The following LRRC63 variants were observed in gnomAD, a reference collection of about 807,000 sequenced individuals.
LRRC63 encodes the protein leucine rich repeat containing 63.
Under a neutral mutation model 49.5 loss-of-function variants are expected in LRRC63, and 40 were observed. The ratio of observed to expected loss-of-function variants is 0.81; its 90% CI spans 0.63 to 1.05. The LOEUF is 1.05. LRRC63 is among the 50% of genes least tolerant of loss of function. LRRC63 has a pLI of 0.00. For synonymous variants in LRRC63, 191 were observed against 221.1 expected, an observed-to-expected ratio of 0.86 and a Z score of 1.21; for missense variants, 636 against 663.1, an observed-to-expected ratio of 0.96 and a Z score of 0.45.
At chr13:46,250,066 G>A (rs1211109282) in intron 6 of LRRC63, 1 of 181,002 alleles carries the variant, frequency 5.5e-6, no homozygotes, top group Non-Finnish European at 1.1e-5. Flanking sequence ...TTCCTCGTAT[G>A]AAACCGTGAG....
At chr13:46,256,151 A>G (rs934075822) in intron 7 of LRRC63, among the ~76,000 whole-genome samples, 3 of 152,246 alleles carry the variant, frequency 2.0e-5, no homozygotes, top group Non-Finnish European at 4.4e-5. Context: ...CTTTTGTCTT[A>G]TGGAATGAAT....
chr13:46,234,686 A>G (rs965681555), intron 5 of LRRC63, among the ~76,000 whole-genome samples: 4 of 152,206 alleles, frequency 2.6e-5, no homozygotes, highest in Admixed American at 1.3e-4. Context: ...CACAAGCTCA[A>G]TATCATGAAT....
chr13:46,248,769 A>T (rs913593228), intron 6 of LRRC63, among the ~76,000 whole-genome samples: 4 of 151,914 alleles, frequency 2.6e-5, no homozygotes, highest in Non-Finnish European at 5.9e-5. Flanking sequence ...CAACACTATA[A>T]ACCAATTAGA....
At chr13:46,255,643 C>CAAAAAAAA (rs1445296831) in intron 7 of LRRC63, among the ~76,000 whole-genome samples, 1,880 of 95,650 alleles carry the variant, frequency 0.02, 80 homozygotes, top group African/African-American at 0.11. Flanking sequence ...GACCCTGCCT[C>CAAAAAAAA]AAATATATAT....
intron 6 of LRRC63, chr13:46,250,050 C>T (rs949699485): frequency 7.0e-5 from 12 of 171,040 alleles, no homozygotes; most frequent in Non-Finnish European, 1.1e-4. Context: ...CTCATTATTC[C>T]GTGATTTCCT....
At chr13:46,222,052 G>GTTATTATAGGGTAAGATATT (rs1390322793) in intron 2 of LRRC63, among the ~76,000 whole-genome samples, 1 of 152,116 alleles carries the variant, frequency 6.6e-6, no homozygotes, top group Non-Finnish European at 1.5e-5. Context: ...CAGCCATTCT[G>GTTATTATAGGGTAAGATATT]ACTAGGGTAA....
chr13:46,275,182 TTG>T (rs1444549916), intron 9 of LRRC63, among the ~76,000 whole-genome samples: 3 of 152,192 alleles, frequency 2.0e-5, no homozygotes, highest in African/African-American at 7.2e-5. Flanking sequence ...TAGTATTCCA[TTG>T]TGTGTACATA....
intron 6 of LRRC63, 54 bp from the exon 7 acceptor site, chr13:46,250,300 TG>T: frequency 2.2e-6 from 3 of 1,341,858 alleles, no homozygotes; most frequent in Non-Finnish European, 3.0e-6. Flanking sequence ...TAACAAATAA[TG>T]ATTTGCATAC....
At chr13:46,242,076 G>A (rs1315342180) in intron 5 of LRRC63, among the ~76,000 whole-genome samples, 7 of 152,198 alleles carry the variant, frequency 4.6e-5, no homozygotes, top group East Asian at 1.9e-4. Flanking sequence ...AATGCACATC[G>A]ATGATAGACT....
chr13:46,215,969 G>C (rs1225044594), intron 2 of LRRC63, among the ~76,000 whole-genome samples: 1 of 152,032 alleles, frequency 6.6e-6, no homozygotes, highest in African/African-American at 2.4e-5. Flanking sequence ...CTGCTCCATT[G>C]GTCTCTATGT....
chr13:46,244,385 T>A (rs2047155077), intron 5 of LRRC63, among the ~76,000 whole-genome samples: 2 of 152,200 alleles, frequency 1.3e-5, no homozygotes, highest in Non-Finnish European at 1.5e-5. Context: ...GTCACTTTTT[T>A]AACAACACTA....
chr13:46,236,284 C>T (rs983657617), intron 5 of LRRC63, among the ~76,000 whole-genome samples: 3 of 151,868 alleles, frequency 2.0e-5, no homozygotes, highest in Admixed American at 6.6e-5. Context: ...CAAAATATTC[C>T]AATTTGATTA....
intron 6 of LRRC63, among the ~76,000 whole-genome samples, chr13:46,247,718 G>T (rs1180337294): frequency 1.3e-5 from 2 of 152,140 alleles, no homozygotes; most frequent in Non-Finnish European, 2.9e-5. Context: ...ACTGAGGTAA[G>T]TGGGGTGATT....
intron 9 of LRRC63, among the ~76,000 whole-genome samples, chr13:46,271,393 C>T (rs530079672): frequency 6.6e-6 from 1 of 152,322 alleles, no homozygotes; most frequent in East Asian, 1.9e-4. Flanking sequence ...CTCAACTCCT[C>T]TCCCTTTTAG....
intron 4 of LRRC63, among the ~76,000 whole-genome samples, chr13:46,232,019 G>T (rs1016497844): frequency 6.6e-5 from 10 of 150,390 alleles, no homozygotes; most frequent in Non-Finnish European, 1.2e-4. Flanking sequence ...GTTTCACCGT[G>T]TTAGCTAGGA....
intron 2 of LRRC63, among the ~76,000 whole-genome samples, chr13:46,226,785 T>G (rs763769013): frequency 3.8e-4 from 58 of 152,184 alleles, no homozygotes; most frequent in Non-Finnish European, 6.8e-4. Flanking sequence ...AGGACTAATT[T>G]TGGCCACCCC....
chr13:46,248,043 TTAAG>T (rs202031053), intron 6 of LRRC63, among the ~76,000 whole-genome samples: 2,317 of 152,128 alleles, frequency 0.015, 75 homozygotes, highest in African/African-American at 0.052. Context: ...CTCACTGGAA[TTAAG>T]TTAGTATAAA....
At chr13:46,274,584 C>G (rs1310392990) in intron 9 of LRRC63, among the ~76,000 whole-genome samples, 3 of 152,166 alleles carry the variant, frequency 2.0e-5, no homozygotes, top group Non-Finnish European at 2.9e-5. Context: ...GTCTCTCTAC[C>G]CACATTGTAT....
At position 46,236,799 on chromosome 13, in the gene LRRC63, T is replaced by C. The variant is rs146455263; in HGVS notation, c.990+2450T>C. Among the ~76,000 whole-genome samples the C allele has an allele frequency of 9.3e-3, 1,411 of 152,310 alleles. 30 individuals are homozygous for C. Among genetic ancestry groups the C allele is most frequent in the African/African-American group, 0.032 (1,343 of 41,568 alleles). On this transcript the variant is annotated intron_variant, in intron 5 of 9. Coordinates refer to ENST00000595396, the Ensembl canonical transcript of LRRC63. The stretch of plus-strand genomic sequence containing the variant: ...AAGTCAGTATTATTTTGGTTATCGG[T>C]TTATATTACTTTTTCTTTCTTATAT...
Sources: gnomAD v4.1 joint callset for allele counts (sites outside exome capture counted in the v4.1 genomes callset) on GRCh38, gnomAD v4.1.1 for gene constraint, MANE v1.5 for transcripts, NCBI Gene and HGNC (gene_info 2026-07-23, HGNC 2026-07-21) for gene names.